Variants in DCC observed in about 807,000 individuals in gnomAD.
DCC encodes the protein netrin receptor DCC.
Under a neutral mutation model 172.5 loss-of-function variants are expected in DCC, and 58 were observed. The ratio of observed to expected loss-of-function variants is 0.34; its 90% confidence interval spans 0.27 to 0.42. The LOEUF (loss-of-function observed/expected upper bound fraction) is 0.42, where lower values mean the gene tolerates loss of function less well. Among genes scored for constraint, DCC ranks in the 10% least tolerant of loss-of-function variants. The pLI is 1.00. For synonymous variants in DCC, 709 were observed against 644.5 expected (o/e 1.10, Z -1.52); for missense variants, 1,740 against 1,791.0 (o/e 0.97, Z 0.51).
chr18:53,162,400 C>T (rs7240372), intron 8 of DCC, among the ~76,000 whole-genome samples: 8,128 of 152,130 alleles, frequency 0.053, 287 homozygotes, highest in East Asian at 0.11. Context: ...GGAACTATTG[C>T]AGTAATCTCC....
chr18:53,064,828 C>T lies in DCC; in HGVS notation c.1141-1218C>T, dbSNP rs150004072. ...GAATTAAAAATGATCTGCCAATGGG[C>T]ACTTTAAAAAGTGTTGTATACGCCT... On this transcript the variant is annotated intron_variant, in intron 6 of 28. Transcript: ENST00000442544. Among the ~76,000 whole-genome samples, 991 of 152,256 alleles carry T rather than the reference C, an allele frequency of 6.5e-3. 7 individuals are homozygous for T. The highest frequency in any genetic ancestry group is 0.01 in the Non-Finnish European group (710 of 68,010).
chr18:52,757,127 G>A (rs1402656981), intron 2 of DCC: 1 of 152,006 alleles, frequency 6.6e-6, no homozygotes, highest in Non-Finnish European at 1.5e-5. Context: ...AAATCCCTTG[G>A]AATAAAAGAT....
intron 2 of DCC, among the ~76,000 whole-genome samples, chr18:52,829,372 T>A (rs1419138693): frequency 6.6e-6 from 1 of 152,212 alleles, no homozygotes; most frequent in African/African-American, 2.4e-5. Flanking sequence ...GTTAATTTGC[T>A]TTAGATCTAT....
At chr18:52,764,764 C>T (rs1476958548) in intron 2 of DCC, among the ~76,000 whole-genome samples, 1 of 152,174 alleles carries the variant, frequency 6.6e-6, no homozygotes, top group Non-Finnish European at 1.5e-5. Flanking sequence ...TAGTAATACA[C>T]ATAGTCTAAG....
chr18:52,445,954 G>A (rs1988106875), intron 1 of DCC, among the ~76,000 whole-genome samples: 1 of 152,148 alleles, frequency 6.6e-6, no homozygotes, highest in Non-Finnish European at 1.5e-5. Flanking sequence ...TTGAGACGGA[G>A]TCTCGCTCGC....
intron 5 of DCC, among the ~76,000 whole-genome samples, chr18:52,973,839 T>G (rs1328446081): frequency 6.6e-6 from 1 of 152,198 alleles, no homozygotes; most frequent in African/African-American, 2.4e-5. Flanking sequence ...TGGAGGCTTA[T>G]TTATCTTTCA....
At chr18:53,204,355 A>G (rs900863859) in intron 9 of DCC, among the ~76,000 whole-genome samples, 7 of 152,120 alleles carry the variant, frequency 4.6e-5, no homozygotes, top group Admixed American at 3.9e-4. Flanking sequence ...CCTGGGCAAC[A>G]ACATAGTGAG....
chr18:52,859,619 C>T (rs1288307906), intron 2 of DCC, among the ~76,000 whole-genome samples: 1 of 152,108 alleles, frequency 6.6e-6, no homozygotes, highest in African/African-American at 2.4e-5. Context: ...TTAAAGGTAT[C>T]AGATATTCAG....
intron 12 of DCC, among the ~76,000 whole-genome samples, chr18:53,223,331 A>G (rs980774736): frequency 1.3e-5 from 2 of 152,194 alleles, no homozygotes; most frequent in Non-Finnish European, 2.9e-5. Context: ...AAAGAGATTA[A>G]AATATATGAT....
intron 8 of DCC, among the ~76,000 whole-genome samples, chr18:53,175,764 A>G (rs966890099): frequency 2.2e-4 from 33 of 152,052 alleles, no homozygotes; most frequent in African/African-American, 8.0e-4. Flanking sequence ...AAGGTAATTT[A>G]CAGATTCAAT....
At position 53,461,273 on chromosome 18, in the gene DCC, C is replaced by T. The variant is rs926718951; in HGVS notation, c.3619+1815C>T. Among the ~76,000 whole-genome samples, 42 of 151,188 alleles carry T rather than the reference C, an allele frequency of 2.8e-4. 1 individual carries two copies. Among genetic ancestry groups the T allele is most frequent in the Non-Finnish European group, 5.0e-4 (34 of 67,506 alleles). On this transcript the variant is annotated intron_variant, in intron 24 of 28. Coordinates refer to ENST00000442544, the MANE Select transcript of DCC (RefSeq NM_005215.4). ...GGTAGTTTCTTTTGCTGTGCAGAAG[C>T]TCTTTAGTTTAATTAGATCCCATTT... is the stretch of plus-strand genomic sequence containing the variant.
intron 2 of DCC, among the ~76,000 whole-genome samples, chr18:52,767,060 T>C (rs909420991): frequency 6.6e-6 from 1 of 151,482 alleles, no homozygotes; most frequent in African/African-American, 2.4e-5. Flanking sequence ...GCTCTATGAG[T>C]ATTGGCCTGT....
intron 12 of DCC, among the ~76,000 whole-genome samples, chr18:53,296,924 A>G (rs960438925): frequency 1.3e-5 from 2 of 152,216 alleles, no homozygotes; most frequent in African/African-American, 4.8e-5. Context: ...TTCCATCTAG[A>G]TAAAACCATC....
intron 1 of DCC, among the ~76,000 whole-genome samples, chr18:52,421,568 A>G (rs1419544961): frequency 6.6e-6 from 1 of 152,180 alleles, no homozygotes; most frequent in Admixed American, 6.6e-5. Context: ...GTGTCTTTTC[A>G]GCACAAAACG....
chr18:52,484,700 G>A lies in DCC; in HGVS notation c.91+143822G>A, dbSNP rs117180302. Among the ~76,000 whole-genome samples, 981 of 151,684 alleles carry A rather than the reference G, an allele frequency of 6.5e-3. 7 individuals carry two copies. Among genetic ancestry groups the A allele is most frequent in the Non-Finnish European group, 8.8e-3 (601 of 67,920 alleles). On this transcript the variant is annotated intron_variant, in intron 1 of 28. Transcript: ENST00000442544. ...AAGTGCCCAAACAGATTGCTACCAA[G>A]AGCAAAAAGAAATTGAGTGGCTTGC...
intron 15 of DCC, among the ~76,000 whole-genome samples, chr18:53,365,843 A>G (rs991801670): frequency 3.9e-5 from 6 of 152,224 alleles, no homozygotes; most frequent in Admixed American, 1.3e-4. Flanking sequence ...TTCACATTCC[A>G]CAAAAGAAAT....
At chr18:53,138,076 C>T (rs8098423) in intron 7 of DCC, among the ~76,000 whole-genome samples, 17,615 of 152,010 alleles carry the variant, frequency 0.12, 1,146 homozygotes, top group African/African-American at 0.14. Flanking sequence ...GATCAGTCCA[C>T]CTCAGCCTCC....
At chr18:53,459,921 A>AACTGAAT (rs1465553349) in intron 24 of DCC, among the ~76,000 whole-genome samples, 1 of 151,992 alleles carries the variant, frequency 6.6e-6, no homozygotes, top group Non-Finnish European at 1.5e-5. Context: ...AAGTACAAAA[A>AACTGAAT]AACTGAATAT....
rs1171816392 is a variant in DCC, at chr18:53,428,201, A to G, written c.3164-6943A>G. 1.9e-4 allele frequency among the ~76,000 whole-genome samples: 6 copies of G among 32,266 alleles called. 2 individuals carry two copies. The highest frequency in any genetic ancestry group is 5.3e-4 in the Non-Finnish European group (6 of 11,416). The allele number at this position is 32,266 out of a possible 152,430, so 21.2% of individuals were successfully genotyped here. On this transcript the variant is annotated intron_variant, in intron 21 of 28. Transcript: ENST00000442544. ...TAATATATAATATAGAATATATAATATTATATATAAGTATATATAATTATA... is the reference window on the plus strand; with the variant it reads ...TAATATATAATATAGAATATATAATGTTATATATAAGTATATATAATTATA...
Sources: gnomAD v4.1 joint callset for allele counts (sites outside exome capture counted in the v4.1 genomes callset) on GRCh38, gnomAD v4.1.1 for gene constraint, MANE v1.5 for transcripts, NCBI Gene and HGNC (gene_info 2026-07-23, HGNC 2026-07-21) for gene names.